The following KCNJ6 variants were observed in gnomAD, a reference collection of about 807,000 sequenced individuals.
KCNJ6 encodes G protein-activated inward rectifier potassium channel 2.
Under a neutral mutation model 34.2 loss-of-function variants are expected in KCNJ6, and 9 were observed. The ratio of observed to expected loss-of-function variants is 0.26; its 90% CI spans 0.16 to 0.46. The LOEUF is 0.46. Ranked by LOEUF, KCNJ6 falls within the 20% of genes least tolerant of loss-of-function variation. KCNJ6 has a pLI of 1.00. For synonymous variants in KCNJ6, 196 were observed against 207.1 expected (o/e 0.95, Z 0.46); for missense variants, 236 against 531.3 (o/e 0.44, Z 5.46).
At chr21:37,904,428 T>C (rs1258148258) in intron 1 of KCNJ6, among the ~76,000 whole-genome samples, 1 of 152,126 alleles carries the variant, frequency 6.6e-6, no homozygotes, top group Non-Finnish European at 1.5e-5. Flanking sequence ...AAAATAAAAT[T>C]CATTGACAGC....
intron 2 of KCNJ6, among the ~76,000 whole-genome samples, chr21:37,763,237 G>A (rs764751516): frequency 6.6e-6 from 1 of 152,192 alleles, no homozygotes; most frequent in Non-Finnish European, 1.5e-5. Flanking sequence ...ATGGCAGCCT[G>A]CTTGTAGGGG....
rs142414170 is a variant in KCNJ6 at position 37,662,632 on chromosome 21, C to T, written c.947-37148G>A. Among the ~76,000 whole-genome samples, 298 of 152,178 alleles carry T rather than the reference C, an allele frequency of 2.0e-3. 1 individual carries two copies. The highest frequency in any genetic ancestry group is 1.2e-3 in the Non-Finnish European group (83 of 68,012). On this transcript the variant is annotated intron_variant, in intron 3 of 3. Coordinates refer to ENST00000609713, the MANE Select transcript of KCNJ6 (RefSeq NM_002240.5). ...TCCTTTAGGTATATACCCAGTAATG[C>T]GATTGCTGGGTCATATGATATTTCT...
In KCNJ6 at chr21:37,613,844, G is replaced by A. The variant is rs758466785; in HGVS notation, c.*11315C>T. ...TATGATTCTATAATGGTGGATCCATGCCTTTATACATTTGCCCAAATCCAT... is the reference window on the plus strand; with the variant it reads ...TATGATTCTATAATGGTGGATCCATACCTTTATACATTTGCCCAAATCCAT... On this transcript the variant is annotated 3_prime_UTR_variant, in exon 4 of 4. Transcript: ENST00000609713. The A allele has an allele frequency of 6.6e-6, 1 of 152,112 alleles. No individual in the cohort carries two copies. Among genetic ancestry groups the A allele is most frequent in the African/African-American group, 2.4e-5 (1 of 41,430 alleles). 9.4% of individuals were successfully genotyped at this position (152,112 alleles called of 1,614,324 possible).
At chr21:37,630,072 T>C (rs1053727329) in intron 3 of KCNJ6, among the ~76,000 whole-genome samples, 7 of 148,486 alleles carry the variant, frequency 4.7e-5, no homozygotes, top group African/African-American at 1.7e-4. Flanking sequence ...TTTGGAAAAG[T>C]AGCAAAATAA....
At chr21:37,667,520 C>T (rs918652466) in intron 3 of KCNJ6, among the ~76,000 whole-genome samples, 6 of 150,344 alleles carry the variant, frequency 4.0e-5, no homozygotes, top group South Asian at 2.1e-4. Flanking sequence ...GGGTAGTGGG[C>T]GCCGGGGTAG....
intron 3 of KCNJ6, among the ~76,000 whole-genome samples, chr21:37,681,856 T>C (rs1052195329): frequency 3.9e-5 from 6 of 152,180 alleles, no homozygotes; most frequent in African/African-American, 1.4e-4. Context: ...CTTGGTTCAG[T>C]GAGACCACTC....
intron 2 of KCNJ6, among the ~76,000 whole-genome samples, chr21:37,739,841 C>A (rs750526334): frequency 1.3e-5 from 2 of 151,546 alleles, no homozygotes; most frequent in Admixed American, 6.6e-5. Flanking sequence ...GGCAGTGTAC[C>A]ATTGGCTTGG....
At chr21:37,685,680 CCAAAAAAAA>C (rs1195096127) in intron 3 of KCNJ6, among the ~76,000 whole-genome samples, 2,525 of 17,490 alleles carry the variant, frequency 0.14, 377 homozygotes, top group East Asian at 0.39. Flanking sequence ...GACTCTGTCT[CCAAAAAAAA>C]AAAAAAAAAA....
chr21:37,892,191 C>T (rs2055765738), intron 1 of KCNJ6, among the ~76,000 whole-genome samples: 2 of 152,120 alleles, frequency 1.3e-5, no homozygotes, highest in Non-Finnish European at 2.9e-5. Flanking sequence ...GAGTGAGGAG[C>T]TCTTCAGGAG....
Position 37,616,481 on chromosome 21 carries a change from C to G in KCNJ6, c.*8678G>C, listed in dbSNP as rs1001848394. ...GACCAGTCCAGCTGTCCTTTCAGCA[C>G]AAGACCTAACTTTATGCTGCTCTCG... On this transcript the variant is annotated 3_prime_UTR_variant, in exon 4 of 4. Transcript: ENST00000609713. 1.1e-4 allele frequency: 17 copies of G among 150,228 alleles called. No homozygotes were observed. Among genetic ancestry groups the G allele is most frequent in the African/African-American group, 4.2e-4 (17 of 40,602 alleles). 9.3% of individuals were successfully genotyped at this position (150,228 alleles called of 1,614,324 possible).
intron 2 of KCNJ6, among the ~76,000 whole-genome samples, chr21:37,745,072 G>GTTTTT (rs58661633): frequency 1.1e-5 from 1 of 89,458 alleles, no homozygotes; most frequent in Admixed American, 1.2e-4. Context: ...AACGTTGCTG[G>GTTTTT]TTTTTTTTTT....
At chr21:37,770,510 GT>G (rs1252379600) in intron 2 of KCNJ6, among the ~76,000 whole-genome samples, 1 of 152,186 alleles carries the variant, frequency 6.6e-6, no homozygotes, top group Non-Finnish European at 1.5e-5. Context: ...GTAATGAAGA[GT>G]GTGTCTGGAA....
rs909914018 is a variant in KCNJ6 at position 37,897,577 on chromosome 21, C to T, written c.-28+18307G>A. The stretch of plus-strand genomic sequence containing the variant: ...CTCTCCGTGCCCTGTGGCCTGTCCC[C>T]ATTTCCCCAAAGCAGACCTTTCTTC... On this transcript the variant is annotated intron_variant, in intron 1 of 3. Transcript: ENST00000609713. Among the ~76,000 whole-genome samples the T allele has an allele frequency of 2.6e-5, 4 of 152,308 alleles. No individual in the cohort carries two copies. In the East Asian group the frequency reaches 7.7e-4, roughly 29 times the overall value.
intron 3 of KCNJ6, among the ~76,000 whole-genome samples, chr21:37,699,327 A>C (rs1465656056): frequency 1.3e-5 from 2 of 152,080 alleles, no homozygotes; most frequent in Non-Finnish European, 2.9e-5. Context: ...TTGAGTTTTT[A>C]CCTTTCAAAA....
At chr21:37,741,175 G>C (rs543783256) in intron 2 of KCNJ6, among the ~76,000 whole-genome samples, 5 of 152,312 alleles carry the variant, frequency 3.3e-5, no homozygotes, top group Middle Eastern at 6.8e-3. Flanking sequence ...TTTCCTGTAA[G>C]AACCTCAAAA....
At chr21:37,774,419 T>C (rs1345451765) in intron 2 of KCNJ6, among the ~76,000 whole-genome samples, 1 of 152,182 alleles carries the variant, frequency 6.6e-6, no homozygotes, top group African/African-American at 2.4e-5. Context: ...TACATATGTA[T>C]ACGTGTGCCA....
chr21:37,820,979 A>G (rs1251676773), intron 2 of KCNJ6, among the ~76,000 whole-genome samples: 1 of 152,226 alleles, frequency 6.6e-6, no homozygotes, highest in African/African-American at 2.4e-5. Context: ...TTCCTGTCTT[A>G]AGAGAGTGTG....
intron 2 of KCNJ6, among the ~76,000 whole-genome samples, chr21:37,758,365 G>A (rs575089087): frequency 6.6e-6 from 1 of 152,174 alleles, no homozygotes; most frequent in East Asian, 1.9e-4. Context: ...GTTACCCTGC[G>A]CCAGGTGCTG....
In KCNJ6 at chr21:37,609,467, A is replaced by G. The variant is rs2054235022; in HGVS notation, c.*15692T>C. 6.6e-6 allele frequency: 1 copy of G among 152,222 alleles called. No homozygotes were observed. Among genetic ancestry groups the G allele is most frequent in the African/African-American group, 2.4e-5 (1 of 41,454 alleles). The allele number at this position is 152,222 out of a possible 1,614,324, so 9.4% of individuals were successfully genotyped here. Reference sequence around the variant, plus strand: ...TAATAGCTTTCTGGAATAATTTTCTATCCTAAGAAATAGCTCACAGAACAA... The same window carrying G: ...TAATAGCTTTCTGGAATAATTTTCTGTCCTAAGAAATAGCTCACAGAACAA... On this transcript the variant is annotated 3_prime_UTR_variant, in exon 4 of 4. Transcript: ENST00000609713.
Sources: gnomAD v4.1 joint callset for allele counts (sites outside exome capture counted in the v4.1 genomes callset) on GRCh38, gnomAD v4.1.1 for gene constraint, MANE v1.5 for transcripts, NCBI Gene and HGNC (gene_info 2026-07-23, HGNC 2026-07-21) for gene names.